The following TRPC5 variants were observed in gnomAD, a reference collection of about 807,000 sequenced individuals.
TRPC5 encodes the protein transient receptor potential cation channel subfamily C member 5.
TRPC5 carries 9 observed loss-of-function variants against 56.5 expected under a neutral mutation model. The observed-to-expected ratio is 0.16, with a 90% confidence interval of 0.10 to 0.28. The LOEUF is 0.28. Among genes scored for constraint, TRPC5 ranks in the 10% least tolerant of loss-of-function variants. The pLI, the probability that TRPC5 is intolerant of heterozygous loss-of-function variation, is 1.00. For missense variants in TRPC5, 469 were observed against 748.9 expected (o/e 0.63, Z 4.36); for synonymous variants, 282 against 278.5 (o/e 1.01, Z -0.13).
chrX:111,829,301 C>CA (rs34464345), intron 7 of TRPC5, among the ~76,000 whole-genome samples: 1,360 of 21,249 alleles, frequency 0.064, 47 homozygotes, highest in African/African-American at 0.086. Flanking sequence ...GACTCTGTCT[C>CA]AAAAAAAAAA....
At chrX:111,887,668 A>G (rs1299454648) in intron 3 of TRPC5, among the ~76,000 whole-genome samples, 1 of 112,433 alleles carries the variant, frequency 8.9e-6, no homozygotes, top group Non-Finnish European at 1.9e-5. Context: ...TACCCACCTC[A>G]TATAGTAATT....
At chrX:111,784,096 C>A (rs1004227884) in intron 7 of TRPC5, among the ~76,000 whole-genome samples, 2 of 111,608 alleles carry the variant, frequency 1.8e-5, no homozygotes, top group African/African-American at 3.3e-5. Context: ...ACTAGACATC[C>A]ACATTCAAAA....
chrX:111,915,986 G>T (rs1925964933), intron 2 of TRPC5, among the ~76,000 whole-genome samples: 1 of 110,166 alleles, frequency 9.1e-6, no homozygotes, highest in Non-Finnish European at 1.9e-5. Flanking sequence ...TTAGCTAGGT[G>T]TGATGGCAAG....
At chrX:111,965,540 C>T (rs953280216) in intron 1 of TRPC5, among the ~76,000 whole-genome samples, 1 of 111,764 alleles carries the variant, frequency 8.9e-6, no homozygotes, top group African/African-American at 3.3e-5. Context: ...AGCACCACAC[C>T]ACACCTATTC....
intron 7 of TRPC5, among the ~76,000 whole-genome samples, chrX:111,786,343 T>A (rs1945964803): frequency 9.0e-6 from 1 of 110,875 alleles, no homozygotes; most frequent in South Asian, 3.8e-4. Context: ...AGAAATAAAA[T>A]CCTTTACAGA....
At chrX:111,994,392 T>G (rs1406254096) in intron 1 of TRPC5, among the ~76,000 whole-genome samples, 1 of 111,724 alleles carries the variant, frequency 9.0e-6, no homozygotes, top group Non-Finnish European at 1.9e-5. Context: ...GCGGGCTCTT[T>G]TTTGGTTCCA....
intron 2 of TRPC5, 40 bp downstream of exon 2, chrX:111,952,003 T>C: frequency 8.5e-7 from 1 of 1,172,170 alleles, no homozygotes; most frequent in Non-Finnish European, 1.1e-6. Flanking sequence ...GGTGCCCTGT[T>C]GTGCCTGGCT....
In TRPC5 at chrX:111,913,756, A is replaced by C. The variant is rs760959000; in HGVS notation, c.379-944T>G. On this transcript the variant is annotated intron_variant, in intron 2 of 10. Transcript: ENST00000262839. ...CGAGCGGATCATGAGGTCAAGAGAT[A>C]GAGACCATCCTGGCTAACACGGTGA... Among the ~76,000 whole-genome samples the C allele has an allele frequency of 4.5e-5, 5 of 111,122 alleles. No homozygotes were observed. The South Asian group carries it at 1.9e-3, about 43-fold the overall frequency.
intron 7 of TRPC5, among the ~76,000 whole-genome samples, chrX:111,818,375 G>A: frequency 9.0e-6 from 1 of 110,565 alleles, no homozygotes; most frequent in Non-Finnish European, 1.9e-5. Context: ...ATTATTAATG[G>A]ATTCCTCTCT....
At chrX:112,076,171 T>C (rs1256603184) in intron 1 of TRPC5, among the ~76,000 whole-genome samples, 3 of 111,968 alleles carry the variant, frequency 2.7e-5, no homozygotes, top group Non-Finnish European at 5.6e-5. Flanking sequence ...ATAAGATTAT[T>C]GATACCTTAC....
intron 3 of TRPC5, among the ~76,000 whole-genome samples, chrX:111,908,654 A>G (rs1192945039): frequency 8.9e-6 from 1 of 111,941 alleles, no homozygotes; most frequent in Non-Finnish European, 1.9e-5. Context: ...TATTTGATTC[A>G]CAAATATCAG....
intron 1 of TRPC5, among the ~76,000 whole-genome samples, chrX:112,043,617 G>C (rs376550095): frequency 1.9e-4 from 19 of 100,552 alleles, no homozygotes; most frequent in African/African-American, 7.1e-4. Flanking sequence ...ACACACTGCT[G>C]TTTGATAGTT....
At position 111,956,462 on chromosome X, in the gene TRPC5, G is replaced by A. The variant is rs140945962; in HGVS notation, c.-21-4021C>T. On this transcript the variant is annotated intron_variant, in intron 1 of 10. Coordinates refer to ENST00000262839, the MANE Select transcript of TRPC5 (RefSeq NM_012471.3). ...GAATAAATAATTCTTAATATATACC[G>A]GGCACTATAATAGAAGCTGATGATA... Among the ~76,000 whole-genome samples the A allele has an allele frequency of 1.9e-3, 213 of 110,961 alleles. 1 individual carries two copies. Among genetic ancestry groups the A allele is most frequent in the African/African-American group, 6.6e-3 (200 of 30,511 alleles).
chrX:111,896,343 C>T (rs575657942), intron 3 of TRPC5: 2 of 101,029 alleles, frequency 2.0e-5, no homozygotes, highest in South Asian at 4.0e-4. Context: ...TTAAACCTAT[C>T]GATTTCGCAA....
chrX:111,883,851 G>T (rs1924346896), intron 3 of TRPC5, among the ~76,000 whole-genome samples: 1 of 112,808 alleles, frequency 8.9e-6, no homozygotes, highest in Non-Finnish European at 1.9e-5. Context: ...CATAAATATA[G>T]TTTAGTCCTA....
At chrX:111,932,891 C>A (rs1401141056) in intron 2 of TRPC5, among the ~76,000 whole-genome samples, 1 of 111,898 alleles carries the variant, frequency 8.9e-6, no homozygotes, top group Non-Finnish European at 1.9e-5. Flanking sequence ...GCACTGATTT[C>A]ATCACCAACT....
intron 7 of TRPC5, among the ~76,000 whole-genome samples, chrX:111,805,708 C>G (rs1281207030): frequency 9.0e-6 from 1 of 111,448 alleles, no homozygotes; most frequent in East Asian, 2.8e-4. Flanking sequence ...GGGTATCACT[C>G]TGTCACCCAG....
intron 7 of TRPC5, among the ~76,000 whole-genome samples, chrX:111,821,368 A>AT (rs1922024241): frequency 1.8e-5 from 2 of 111,582 alleles, no homozygotes; most frequent in Non-Finnish European, 3.8e-5. Context: ...TCACTCTTAG[A>AT]TTTTTTTCTA....
intron 1 of TRPC5, among the ~76,000 whole-genome samples, chrX:112,035,973 A>G (rs1162967764): frequency 9.1e-6 from 1 of 109,859 alleles, no homozygotes; most frequent in Non-Finnish European, 1.9e-5. Flanking sequence ...ATATATATGT[A>G]TATATATAAG....
Sources: allele counts gnomAD v4.1 joint callset (sites outside exome capture counted in the v4.1 genomes callset), GRCh38; gene constraint gnomAD v4.1.1; transcripts MANE v1.5; gene names NCBI Gene and HGNC (gene_info 2026-07-23, HGNC 2026-07-21).